THEM4: variants seen among roughly 807,000 people sequenced by gnomAD.
The protein encoded by THEM4 is acyl-coenzyme A thioesterase THEM4.
A neutral mutation model predicts 25.0 loss-of-function variants in THEM4; 22 were observed. The ratio of observed to expected loss-of-function variants is 0.88; its 90% CI spans 0.63 to 1.26. The LOEUF (loss-of-function observed/expected upper bound fraction) is 1.26, where lower values mean the gene tolerates loss of function less well. Ranked by LOEUF, THEM4 falls within the 50% of genes most tolerant of loss-of-function variation. The probability of loss-of-function intolerance (pLI) is 0.00; values close to 1 mark genes in which losing one functional copy is unlikely to be tolerated. For missense variants in THEM4, 286 were observed against 300.3 expected (o/e 0.95, Z 0.35); for synonymous variants, 113 against 105.6 (o/e 1.07, Z -0.43).
chr1:151,893,759 G>C (rs1572079417), intron 2 of THEM4, among the ~76,000 whole-genome samples: 1 of 152,132 alleles, frequency 6.6e-6, no homozygotes, highest in East Asian at 1.9e-4. Context: ...TAAGAAGAAA[G>C]AAAAAGGCAG....
intron 5 of THEM4, among the ~76,000 whole-genome samples, 186 bp downstream of exon 5, chr1:151,876,815 C>T (rs562762507): frequency 6.6e-6 from 1 of 152,134 alleles, no homozygotes; most frequent in East Asian, 1.9e-4. Flanking sequence ...TTAACTTGTT[C>T]TTTGTATGAC....
chr1:151,884,684 TTTG>T (rs1208886406), intron 4 of THEM4, among the ~76,000 whole-genome samples: 3 of 29,096 alleles, frequency 1.0e-4, no homozygotes, highest in Non-Finnish European at 1.8e-4. Flanking sequence ...TTTCCTTTTT[TTTG>T]TTTTTTTTTT....
chr1:151,903,205 G>A (rs1421165607), intron 1 of THEM4, among the ~76,000 whole-genome samples: 1 of 151,994 alleles, frequency 6.6e-6, no homozygotes, highest in Non-Finnish European at 1.5e-5. Context: ...AGAAAGAAAA[G>A]AAAAAGTTTT....
chr1:151,902,044 C>G (rs551830841), intron 1 of THEM4, among the ~76,000 whole-genome samples: 3 of 152,256 alleles, frequency 2.0e-5, no homozygotes, highest in East Asian at 3.9e-4. Flanking sequence ...CTCAAAAAGT[C>G]TGAAAGAGCA....
At chr1:151,885,538 C>T (rs547135822) in intron 4 of THEM4, among the ~76,000 whole-genome samples, 1 of 152,286 alleles carries the variant, frequency 6.6e-6, no homozygotes, top group African/African-American at 2.4e-5. Flanking sequence ...GATAGTCACC[C>T]TTGGTAGTTT....
intron 2 of THEM4, chr1:151,891,502 A>T (rs1256656381): frequency 1.3e-5 from 2 of 152,238 alleles, no homozygotes; most frequent in Non-Finnish European, 2.9e-5. Flanking sequence ...GGTGGGCTAC[A>T]AAAGTTCAGA....
chr1:151,880,997 T>C (rs939353477), intron 4 of THEM4, among the ~76,000 whole-genome samples: 10 of 152,108 alleles, frequency 6.6e-5, no homozygotes, highest in Non-Finnish European at 1.2e-4. Flanking sequence ...TGTATTGTTT[T>C]AGATATTAGT....
intron 2 of THEM4, among the ~76,000 whole-genome samples, chr1:151,893,649 C>T (rs1041958283): frequency 6.6e-6 from 1 of 151,974 alleles, no homozygotes; most frequent in Non-Finnish European, 1.5e-5. Flanking sequence ...ATATGTGAGG[C>T]AATGGGAGAC....
At chr1:151,909,268 G>C in intron 1 of THEM4, 92 bp downstream of exon 1, 1 of 1,083,046 alleles carries the variant, frequency 9.2e-7, no homozygotes. Context: ...AGATTGGCTG[G>C]TTGGGGTATG....
rs1654044304 is a variant in THEM4 at position 151,889,541 on chromosome 1, T to G, written c.287-168A>C. The G allele has an allele frequency of 5.0e-6, 3 of 602,464 alleles. No individual in the cohort carries two copies. The South Asian group carries it at 8.1e-5, about 16-fold the overall frequency. 37.3% of individuals were successfully genotyped at this position (602,464 alleles called of 1,614,324 possible). On this transcript the variant is annotated intron_variant, in intron 2 of 5. Coordinates refer to ENST00000368814, the MANE Select transcript of THEM4 (RefSeq NM_053055.5). ...GGGAGCGTCTCAATGAAACAGAAGA[T>G]AGGATCTTTGCCCTTGTGGAATTAA...
chr1:151,889,160 G>T, intron 3 of THEM4, 54 bp downstream of exon 3: 1 of 1,497,012 alleles, frequency 6.7e-7, no homozygotes, highest in Non-Finnish European at 9.2e-7. Context: ...GACACATGGG[G>T]GCAGTGTAAG....
intron 4 of THEM4, among the ~76,000 whole-genome samples, chr1:151,885,083 T>TTTTATTTATTTA (rs146473655): frequency 1.4e-5 from 2 of 145,624 alleles, no homozygotes; most frequent in East Asian, 2.0e-4. Flanking sequence ...TGATTTCATC[T>TTTTATTTATTTA]TTTATTTATT....
At chr1:151,900,887 G>A (rs538352891) in intron 1 of THEM4, among the ~76,000 whole-genome samples, 4 of 152,344 alleles carry the variant, frequency 2.6e-5, no homozygotes, top group South Asian at 4.1e-4. Flanking sequence ...TGGGTTTACC[G>A]GAATAAGGGC....
Position 151,909,391 on chromosome 1 carries a change from C to A in THEM4, c.68G>T (p.Arg23Leu). The A allele has an allele frequency of 6.6e-7, 1 of 1,505,046 alleles. No individual in the cohort carries two copies. Among genetic ancestry groups the A allele is most frequent in the Non-Finnish European group, 8.8e-7 (1 of 1,133,396 alleles). 93.2% of individuals were successfully genotyped at this position (1,505,046 alleles called of 1,614,324 possible). Residue 23 changes from arginine (R) to leucine (L), a missense_variant, in exon 1 of 6, where the codon CGC becomes CTC. By Grantham distance (102) the Arg-to-Leu change is moderately radical. Transcript: ENST00000368814. The stretch of plus-strand genomic sequence containing the variant: ...GGGTCGCGGCTCGCTTCCCGGCAGG[C>A]GCCGGCCTACTGGCGGCAGGCACAG... Reference protein sequence around the residue: ...GALCLPPVGRRLPGSEPRPEL... With the variant: ...GALCLPPVGRLLPGSEPRPEL...
At chr1:151,878,150 A>G (rs147647629) in intron 4 of THEM4, among the ~76,000 whole-genome samples, 2 of 152,170 alleles carry the variant, frequency 1.3e-5, no homozygotes, top group East Asian at 3.9e-4. Flanking sequence ...GACTCTCTTC[A>G]TTTATCCATC....
At chr1:151,897,490 TCTGA>T (rs999484913) in intron 1 of THEM4, among the ~76,000 whole-genome samples, 5 of 152,238 alleles carry the variant, frequency 3.3e-5, no homozygotes, top group East Asian at 1.9e-4. Context: ...GTTTTGGGAC[TCTGA>T]CTGGCTCTCC....
At chr1:151,883,496 A>C (rs1254760563) in intron 4 of THEM4, among the ~76,000 whole-genome samples, 1 of 152,166 alleles carries the variant, frequency 6.6e-6, no homozygotes, top group Non-Finnish European at 1.5e-5. Flanking sequence ...CCCATGATCC[A>C]GTCACCTCTC....
intron 1 of THEM4, among the ~76,000 whole-genome samples, chr1:151,896,659 T>C (rs1654233147): frequency 6.6e-6 from 1 of 152,194 alleles, no homozygotes. Flanking sequence ...GTATCTGCAG[T>C]GCTCTCTGAG....
In THEM4 at chr1:151,871,913, T is replaced by TG. The variant is rs1181336632; in HGVS notation, c.*2974dup. On this transcript the variant is annotated 3_prime_UTR_variant, in exon 6 of 6. Coordinates refer to ENST00000368814, the MANE Select transcript of THEM4 (RefSeq NM_053055.5). ...AACTAGTTAAGTGAAACTAGCTAAA[T>TG]GAGCAGCGCTGGCTTATTCCTTCGG... Among the ~76,000 whole-genome samples, 1 of 152,218 alleles carries TG rather than the reference T, an allele frequency of 6.6e-6. No homozygotes were observed. The highest frequency in any genetic ancestry group is 2.4e-5 in the African/African-American group (1 of 41,458).
Sources: allele counts gnomAD v4.1 joint callset (sites outside exome capture counted in the v4.1 genomes callset), GRCh38; gene constraint gnomAD v4.1.1; transcripts MANE v1.5; gene names NCBI Gene and HGNC (gene_info 2026-07-23, HGNC 2026-07-21).